The following INVS variants were observed in gnomAD, a reference collection of about 807,000 sequenced individuals.
INVS encodes the protein inversin.
In INVS, 86 loss-of-function variants were observed where a neutral mutation model predicts 108.8. That is an observed-to-expected ratio of 0.79 (90% CI 0.66 to 0.95). The LOEUF (loss-of-function observed/expected upper bound fraction) is 0.95, where lower values mean the gene tolerates loss of function less well. Ranked by LOEUF, INVS falls within the 40% of genes least tolerant of loss-of-function variation. INVS has a pLI of 0.00. For synonymous variants in INVS, 455 were observed against 473.5 expected, an observed-to-expected ratio of 0.96 and a Z score of 0.51; for missense variants, 1,169 against 1,297.4, an observed-to-expected ratio of 0.90 and a Z score of 1.52.
chr9:100,174,323 C>T (rs560959549), intron 3 of INVS, among the ~76,000 whole-genome samples: 2 of 151,622 alleles, frequency 1.3e-5, no homozygotes, highest in African/African-American at 4.8e-5. Flanking sequence ...TCTAAAGATT[C>T]ACTAGAAGGG....
intron 8 of INVS, among the ~76,000 whole-genome samples, chr9:100,251,671 A>T (rs1323151855): frequency 6.6e-6 from 1 of 152,188 alleles, no homozygotes; most frequent in Non-Finnish European, 1.5e-5. Context: ...AGCTGGGACT[A>T]TAGACATGTG....
chr9:100,132,442 T>C (rs1445409191), intron 3 of INVS, among the ~76,000 whole-genome samples: 2 of 152,222 alleles, frequency 1.3e-5, no homozygotes, highest in Non-Finnish European at 2.9e-5. Context: ...ACAATGCTCT[T>C]GTATGCCTCA....
chr9:100,191,504 A>C (rs982061827), intron 3 of INVS, among the ~76,000 whole-genome samples: 4 of 152,216 alleles, frequency 2.6e-5, no homozygotes, highest in Admixed American at 2.6e-4. Flanking sequence ...TAATTCTCTA[A>C]ATGTGTCTTT....
intron 3 of INVS, chr9:100,176,054 T>G (rs1829703491): frequency 2.0e-6 from 1 of 503,514 alleles, no homozygotes; most frequent in Non-Finnish European, 3.8e-6. Context: ...TGAAGATATG[T>G]AAAGATGAGT....
chr9:100,167,837 G>A (rs904163868), intron 3 of INVS, among the ~76,000 whole-genome samples: 3 of 152,008 alleles, frequency 2.0e-5, no homozygotes, highest in Non-Finnish European at 4.4e-5. Context: ...GGTGATCCAC[G>A]ATTTCTTACA....
intron 13 of INVS, among the ~76,000 whole-genome samples, chr9:100,286,546 A>G (rs1485750599): frequency 6.6e-6 from 1 of 152,208 alleles, no homozygotes; most frequent in African/African-American, 2.4e-5. Flanking sequence ...CTCAAAAAAT[A>G]TATATATCTA....
chr9:100,193,189 A>G (rs777358517), intron 3 of INVS, among the ~76,000 whole-genome samples: 1 of 152,066 alleles, frequency 6.6e-6, no homozygotes, highest in Non-Finnish European at 1.5e-5. Flanking sequence ...TATGTTGCCC[A>G]GGCTGGTCTT....
intron 3 of INVS, among the ~76,000 whole-genome samples, chr9:100,221,934 GA>G (rs138812004): frequency 0.042 from 6,372 of 152,154 alleles, 197 homozygotes; most frequent in Non-Finnish European, 0.063. Context: ...GTGTGTATAT[GA>G]AAAAAATAGT....
At chr9:100,151,630 G>A (rs1828810793) in intron 3 of INVS, among the ~76,000 whole-genome samples, 1 of 152,268 alleles carries the variant, frequency 6.6e-6, no homozygotes, top group South Asian at 2.1e-4. Flanking sequence ...GAGATGAGGA[G>A]GGTTTGAGGA....
Position 100,257,817 on chromosome 9 carries a change from C to T in INVS, c.1464+4681C>T, listed in dbSNP as rs144974422. On this transcript the variant is annotated intron_variant, in intron 10 of 16. Coordinates refer to ENST00000262457, the MANE Select transcript of INVS (RefSeq NM_014425.5). ...GGCTTCCCTTTGTGGGTAACCCGAC[C>T]TATCTCTCTGGCTGCCCTTAACATT... Among the ~76,000 whole-genome samples the T allele has an allele frequency of 1.1e-4, 17 of 152,340 alleles. No homozygotes were observed. The East Asian group carries it at 3.3e-3, about 29-fold the overall frequency.
chr9:100,162,928 C>T (rs1829235737), intron 3 of INVS, among the ~76,000 whole-genome samples: 1 of 152,034 alleles, frequency 6.6e-6, no homozygotes, highest in Non-Finnish European at 1.5e-5. Context: ...GTTCTGTTGG[C>T]CTAAAAGCCT....
intron 1 of INVS, among the ~76,000 whole-genome samples, chr9:100,103,788 A>C (rs1396354545): frequency 6.6e-6 from 1 of 151,318 alleles, no homozygotes; most frequent in Non-Finnish European, 1.5e-5. Flanking sequence ...TGGGCTCAAG[A>C]AATTCTCCTG....
rs1267391173 is a variant in INVS at position 100,099,356 on chromosome 9, C to G, written c.-85C>G. 1 of 153,066 alleles carries G rather than the reference C, an allele frequency of 6.5e-6. No homozygotes were observed. Among genetic ancestry groups the G allele is most frequent in the Non-Finnish European group, 1.5e-5 (1 of 68,362 alleles). 9.5% of individuals were successfully genotyped at this position (153,066 alleles called of 1,614,324 possible). On this transcript the variant is annotated 5_prime_UTR_variant, in exon 1 of 17. Coordinates refer to ENST00000262457, the MANE Select transcript of INVS (RefSeq NM_014425.5). ...TGTACCGGCCCGGCAGGAGGGGCGG[C>G]CCGGTCCGGGTTGCGCCTCCTGGAG... is the stretch of plus-strand genomic sequence containing the variant.
intron 16 of INVS, chr9:100,298,330 T>C: frequency 2.0e-6 from 2 of 985,232 alleles, no homozygotes; most frequent in Non-Finnish European, 2.4e-6. Context: ...TTGGGAATCC[T>C]TGTTCCATTT....
chr9:100,267,588 A>T (rs981740005), intron 11 of INVS, among the ~76,000 whole-genome samples: 6 of 152,254 alleles, frequency 3.9e-5, no homozygotes, highest in Non-Finnish European at 8.8e-5. Flanking sequence ...TGAACAACGT[A>T]TAGACATAAT....
intron 8 of INVS, among the ~76,000 whole-genome samples, chr9:100,248,610 A>G (rs1474679526): frequency 1.3e-5 from 2 of 152,196 alleles, no homozygotes; most frequent in Non-Finnish European, 2.9e-5. Flanking sequence ...TGAACATTAT[A>G]GAATTTCTAT....
intron 6 of INVS, 88 bp downstream of exon 6, chr9:100,240,328 T>C: frequency 1.1e-6 from 1 of 925,056 alleles, no homozygotes; most frequent in Non-Finnish European, 1.8e-6. Flanking sequence ...TACTCCCAAC[T>C]CCTAGTTAAT....
chr9:100,162,908 C>T (rs917609300), intron 3 of INVS, among the ~76,000 whole-genome samples: 1 of 152,074 alleles, frequency 6.6e-6, no homozygotes, highest in Non-Finnish European at 1.5e-5. Flanking sequence ...GGAGACCAAC[C>T]AATATCAGGG....
At chr9:100,170,053 A>G (rs1417150283) in intron 3 of INVS, among the ~76,000 whole-genome samples, 2 of 152,230 alleles carry the variant, frequency 1.3e-5, no homozygotes, top group Non-Finnish European at 2.9e-5. Context: ...AGTGAAGGTC[A>G]GCAAAATTCT....
Sources: allele counts gnomAD v4.1 joint callset (sites outside exome capture counted in the v4.1 genomes callset), GRCh38; gene constraint gnomAD v4.1.1; transcripts MANE v1.5; gene names NCBI Gene and HGNC (gene_info 2026-07-23, HGNC 2026-07-21).